Variants in TMEM132C observed in about 807,000 individuals in gnomAD.
TMEM132C encodes the protein transmembrane protein 132C.
Under a neutral mutation model 61.4 loss-of-function variants are expected in TMEM132C, and 29 were observed. The ratio of observed to expected loss-of-function variants is 0.47; its 90% CI spans 0.35 to 0.64. The LOEUF (loss-of-function observed/expected upper bound fraction) is 0.64. Ranked by LOEUF, TMEM132C falls within the 30% of genes least tolerant of loss-of-function variation. TMEM132C has a pLI of 0.00. For synonymous variants in TMEM132C, 656 were observed against 633.1 expected (o/e 1.04, Z -0.54); for missense variants, 1,408 against 1,476.9 (o/e 0.95, Z 0.76).
chr12:128,644,141 G>C (rs772060767), intron 4 of TMEM132C, among the ~76,000 whole-genome samples: 2 of 152,296 alleles, frequency 1.3e-5, no homozygotes, highest in African/African-American at 4.8e-5. Flanking sequence ...ACCTGCATGC[G>C]CTGGTGGTGG....
rs375040510 is a variant in TMEM132C, at chr12:128,427,387, G to T, written c.974+11767G>T. 7.7e-3 allele frequency among the ~76,000 whole-genome samples: 1,023 copies of T among 132,236 alleles called. 14 individuals carry two copies. Among genetic ancestry groups the T allele is most frequent in the African/African-American group, 0.027 (895 of 32,952 alleles). The allele number at this position is 132,236 out of a possible 152,430, so 86.8% of individuals were successfully genotyped here. The stretch of plus-strand genomic sequence containing the variant: ...TCCTTTTAGTTTCTACTTCCAAAGG[G>T]GTGTGTGTGTGTGTGTGTGTGTGTG... On this transcript the variant is annotated intron_variant, in intron 2 of 8. Coordinates refer to ENST00000435159, the MANE Select transcript of TMEM132C (RefSeq NM_001136103.3).
chr12:128,522,798 T>C (rs1872951747), intron 2 of TMEM132C, among the ~76,000 whole-genome samples: 1 of 152,174 alleles, frequency 6.6e-6, no homozygotes, highest in Non-Finnish European at 1.5e-5. Flanking sequence ...GCCGAAGGTG[T>C]CCTTGGTATT....
chr12:128,636,332 G>A (rs1332799075), intron 4 of TMEM132C, among the ~76,000 whole-genome samples: 7 of 152,128 alleles, frequency 4.6e-5, no homozygotes, highest in Admixed American at 1.3e-4. Context: ...GGTAACAGGC[G>A]TGAACTGCCA....
chr12:128,612,546 A>G (rs1013476004), intron 3 of TMEM132C, among the ~76,000 whole-genome samples: 1 of 152,224 alleles, frequency 6.6e-6, no homozygotes, highest in African/African-American at 2.4e-5. Context: ...TGATGCAAAC[A>G]CACTTTCTGG....
chr12:128,522,728 A>G (rs1872949835), intron 2 of TMEM132C, among the ~76,000 whole-genome samples: 1 of 152,166 alleles, frequency 6.6e-6, no homozygotes, highest in Admixed American at 6.5e-5. Flanking sequence ...AGATGTGGCC[A>G]CAAGCAAGCT....
chr12:128,361,064 T>G (rs1873693658), intron 1 of TMEM132C, among the ~76,000 whole-genome samples: 1 of 152,176 alleles, frequency 6.6e-6, no homozygotes, highest in Non-Finnish European at 1.5e-5. Context: ...ATGAAGCTCA[T>G]GGTGCAGGAG....
chr12:128,671,090 T>C (rs1202236410), intron 5 of TMEM132C, among the ~76,000 whole-genome samples: 3 of 152,230 alleles, frequency 2.0e-5, no homozygotes. Flanking sequence ...CCAAACCTAG[T>C]CACTGCCTAT....
chr12:128,581,658 G>A (rs1471047808), intron 3 of TMEM132C, among the ~76,000 whole-genome samples: 1 of 152,234 alleles, frequency 6.6e-6, no homozygotes, highest in African/African-American at 2.4e-5. Flanking sequence ...GAGCCAGGCA[G>A]CTGATGTCGA....
chr12:128,309,396 C>T (rs1479476715), intron 1 of TMEM132C, among the ~76,000 whole-genome samples: 1 of 152,204 alleles, frequency 6.6e-6, no homozygotes, highest in Non-Finnish European at 1.5e-5. Context: ...TCATCACATA[C>T]TACCAATAAG....
intron 1 of TMEM132C, among the ~76,000 whole-genome samples, chr12:128,321,146 AT>A (rs1565900492): frequency 4.5e-4 from 64 of 142,596 alleles, no homozygotes; most frequent in Non-Finnish European, 7.2e-4. Context: ...AAAAATAATA[AT>A]AATAATAATA....
chr12:128,586,103 A>T (rs991810358), intron 3 of TMEM132C, among the ~76,000 whole-genome samples: 6 of 152,316 alleles, frequency 3.9e-5, no homozygotes, highest in Middle Eastern at 3.4e-3. Context: ...GAATATATGT[A>T]TCAATGCATA....
At chr12:128,638,602 T>C (rs1223244440) in intron 4 of TMEM132C, among the ~76,000 whole-genome samples, 1 of 152,236 alleles carries the variant, frequency 6.6e-6, no homozygotes, top group Non-Finnish European at 1.5e-5. Context: ...AGAGCTAATA[T>C]ACCCTGGTCA....
At chr12:128,646,316 TGTGA>T (rs1481598845) in intron 4 of TMEM132C, among the ~76,000 whole-genome samples, 10 of 151,914 alleles carry the variant, frequency 6.6e-5, no homozygotes, top group Non-Finnish European at 1.2e-4. Context: ...CAGCGTTGGA[TGTGA>T]GTGTGTTCAC....
At chr12:128,524,757 T>C (rs542732329) in intron 2 of TMEM132C, among the ~76,000 whole-genome samples, 1 of 152,326 alleles carries the variant, frequency 6.6e-6, no homozygotes, top group East Asian at 1.9e-4. Context: ...GGAAACGCCA[T>C]GTCTCCCTGT....
intron 2 of TMEM132C, among the ~76,000 whole-genome samples, chr12:128,497,130 G>T (rs6486689): frequency 0.35 from 53,331 of 151,698 alleles, 9,548 homozygotes; most frequent in East Asian, 0.57. Context: ...ATCAGCAGTG[G>T]TGGCTGCAGA....
intron 1 of TMEM132C, among the ~76,000 whole-genome samples, chr12:128,389,010 A>G (rs1874680528): frequency 1.3e-5 from 2 of 152,058 alleles, no homozygotes; most frequent in African/African-American, 4.8e-5. Context: ...CTCTGTGGCT[A>G]CCTTCACACC....
chr12:128,643,952 A>G (rs533819775), intron 4 of TMEM132C, among the ~76,000 whole-genome samples: 1 of 152,316 alleles, frequency 6.6e-6, no homozygotes, highest in African/African-American at 2.4e-5. Context: ...TTGAGCCCAA[A>G]CCTACAATAG....
rs192841467 is a variant in TMEM132C at position 128,381,578 on chromosome 12, C to A, written c.86-33154C>A. On this transcript the variant is annotated intron_variant, in intron 1 of 8. Coordinates refer to ENST00000435159, the MANE Select transcript of TMEM132C (RefSeq NM_001136103.3). ...AAACCTATGGACGTGAGAGAGGAAG[C>A]CTGCTCAGTCCTTCCTAGGGAGTGG... Among the ~76,000 whole-genome samples the A allele has an allele frequency of 3.3e-3, 504 of 152,264 alleles. 4 individuals are homozygous for A. Among genetic ancestry groups the A allele is most frequent in the African/African-American group, 0.012 (485 of 41,538 alleles).
At chr12:128,270,232 C>T (rs1435789258) in intron 1 of TMEM132C, among the ~76,000 whole-genome samples, 1 of 152,126 alleles carries the variant, frequency 6.6e-6, no homozygotes, top group Admixed American at 6.5e-5. Context: ...TTTCTGAAAT[C>T]TGTGGGGGCA....
Sources: allele counts gnomAD v4.1 joint callset (sites outside exome capture counted in the v4.1 genomes callset), GRCh38; gene constraint gnomAD v4.1.1; transcripts MANE v1.5; gene names NCBI Gene and HGNC (gene_info 2026-07-23, HGNC 2026-07-21).